SOX6: variants seen among roughly 807,000 people sequenced by gnomAD.
The protein encoded by SOX6 is SRY-box transcription factor 6.
A neutral mutation model predicts 97.8 loss-of-function variants in SOX6; 11 were observed. The ratio of observed to expected loss-of-function variants is 0.11; its 90% CI spans 0.07 to 0.19. The LOEUF (loss-of-function observed/expected upper bound fraction) is 0.19. Ranked by LOEUF, SOX6 falls within the 10% of genes least tolerant of loss-of-function variation. The pLI is 1.00. For missense variants in SOX6, 810 were observed against 1,039.5 expected, an observed-to-expected ratio of 0.78 and a Z score of 3.04; for synonymous variants, 360 against 371.4, an observed-to-expected ratio of 0.97 and a Z score of 0.35.
At chr11:16,336,538 T>C (rs980590932) in intron 2 of SOX6, among the ~76,000 whole-genome samples, 1 of 152,182 alleles carries the variant, frequency 6.6e-6, no homozygotes, top group African/African-American at 2.4e-5. Context: ...CCTGCACCAC[T>C]GCAATGGTTT....
chr11:16,395,138 TAAC>T (rs1348649590), intron 1 of SOX6, among the ~76,000 whole-genome samples: 6 of 151,776 alleles, frequency 4.0e-5, no homozygotes, highest in Admixed American at 1.3e-4. Context: ...CTCTTCCTGA[TAAC>T]AACAACAAAT....
intron 2 of SOX6, among the ~76,000 whole-genome samples, chr11:16,729,532 G>C (rs1285939427): frequency 6.6e-6 from 1 of 152,158 alleles, no homozygotes; most frequent in Non-Finnish European, 1.5e-5. Flanking sequence ...CAAATGCTGA[G>C]AGATTTTGTC....
At chr11:16,009,515 A>C (rs1250008842) in intron 13 of SOX6, among the ~76,000 whole-genome samples, 2 of 152,104 alleles carry the variant, frequency 1.3e-5, no homozygotes, top group African/African-American at 4.8e-5. Flanking sequence ...AATGAGTAGA[A>C]GTTACAAGAA....
intron 7 of SOX6, among the ~76,000 whole-genome samples, chr11:16,106,903 C>T (rs1052101311): frequency 6.6e-6 from 1 of 151,840 alleles, no homozygotes; most frequent in African/African-American, 2.4e-5. Context: ...ACAACAAAAG[C>T]CCAACTCAAA....
At chr11:16,731,445 G>C (rs1166705638) in intron 2 of SOX6, among the ~76,000 whole-genome samples, 1 of 152,138 alleles carries the variant, frequency 6.6e-6, no homozygotes, top group South Asian at 2.1e-4. Flanking sequence ...TTCAACATAC[G>C]CAAATCAATA....
chr11:15,999,760 T>C (rs1458982200), intron 13 of SOX6, among the ~76,000 whole-genome samples: 3 of 152,150 alleles, frequency 2.0e-5, no homozygotes, highest in South Asian at 2.1e-4. Context: ...AGTATCACTA[T>C]TGGGTTGCTT....
At chr11:16,000,271 G>A (rs1223717869) in intron 13 of SOX6, among the ~76,000 whole-genome samples, 1 of 152,214 alleles carries the variant, frequency 6.6e-6, no homozygotes, top group Non-Finnish European at 1.5e-5. Flanking sequence ...CGGAGCAAGA[G>A]CCTTAATCAT....
chr11:16,173,764 T>C (rs1851105232), intron 6 of SOX6, among the ~76,000 whole-genome samples: 1 of 151,258 alleles, frequency 6.6e-6, no homozygotes, highest in Non-Finnish European at 1.5e-5. Flanking sequence ...CTCAAAGACA[T>C]TTTTTCTGTA....
At chr11:16,191,436 G>T (rs1478664794) in intron 4 of SOX6, among the ~76,000 whole-genome samples, 1 of 152,100 alleles carries the variant, frequency 6.6e-6, no homozygotes, top group Admixed American at 6.6e-5. Context: ...ACTCCAGCCT[G>T]GGTGGAAGAG....
At chr11:16,201,736 C>T (rs1851946032) in intron 4 of SOX6, among the ~76,000 whole-genome samples, 2 of 135,778 alleles carry the variant, frequency 1.5e-5, no homozygotes, top group African/African-American at 5.6e-5. Flanking sequence ...CGGGTTCACG[C>T]CATTCTCCTG....
intron 15 of SOX6, among the ~76,000 whole-genome samples, chr11:15,982,591 A>G (rs1046378823): frequency 1.3e-5 from 2 of 152,088 alleles, no homozygotes; most frequent in African/African-American, 4.8e-5. Context: ...ACTTTAAACA[A>G]TCTCATTATT....
At chr11:16,407,771 G>T (rs919863613) in intron 1 of SOX6, among the ~76,000 whole-genome samples, 1 of 151,944 alleles carries the variant, frequency 6.6e-6, no homozygotes, top group Non-Finnish European at 1.5e-5. Context: ...ACTAACACCC[G>T]AGGAACAAGA....
chr11:16,041,230 C>T (rs905899667), intron 12 of SOX6, among the ~76,000 whole-genome samples: 23 of 152,128 alleles, frequency 1.5e-4, no homozygotes, highest in African/African-American at 5.5e-4. Flanking sequence ...AAATAATTTT[C>T]TCACAAGCCC....
At chr11:16,122,617 A>G (rs1849520816) in intron 6 of SOX6, among the ~76,000 whole-genome samples, 1 of 152,038 alleles carries the variant, frequency 6.6e-6, no homozygotes. Flanking sequence ...TTATTCTGTT[A>G]GCAATGACCA....
intron 3 of SOX6, among the ~76,000 whole-genome samples, chr11:16,655,859 C>CT (rs1193000113): frequency 6.6e-6 from 1 of 152,010 alleles, no homozygotes; most frequent in African/African-American, 2.4e-5. Flanking sequence ...CATACACCTA[C>CT]TTGAGAGACT....
chr11:16,446,734 TATACTGGCCTGTAG>T (rs750249051), intron 1 of SOX6, among the ~76,000 whole-genome samples: 1 of 152,180 alleles, frequency 6.6e-6, no homozygotes, highest in Non-Finnish European at 1.5e-5. Context: ...CTTGCTAAAA[TATACTGGCCTGTAG>T]CATAAGATGT....
At chr11:16,658,395 T>C (rs931341914) in intron 3 of SOX6, among the ~76,000 whole-genome samples, 38 of 152,204 alleles carry the variant, frequency 2.5e-4, no homozygotes, top group African/African-American at 8.2e-4. Flanking sequence ...ACTAATCCTT[T>C]GTTGGTGATA....
chr11:16,121,237 T>A (rs1048401796), intron 6 of SOX6, among the ~76,000 whole-genome samples: 2 of 152,092 alleles, frequency 1.3e-5, no homozygotes, highest in African/African-American at 4.8e-5. Flanking sequence ...AACATGGATT[T>A]AGCACTAACA....
At chr11:16,637,830 A>G (rs980647134) in intron 3 of SOX6, among the ~76,000 whole-genome samples, 2 of 152,066 alleles carry the variant, frequency 1.3e-5, no homozygotes, top group East Asian at 3.9e-4. Flanking sequence ...GTGTGCAGGA[A>G]TATGTGTGCA....
Sources: gnomAD v4.1 joint callset for allele counts (sites outside exome capture counted in the v4.1 genomes callset) on GRCh38, gnomAD v4.1.1 for gene constraint, MANE v1.5 for transcripts, NCBI Gene and HGNC (gene_info 2026-07-23, HGNC 2026-07-21) for gene names.